ALCAM: variants seen among roughly 807,000 people sequenced by gnomAD.
The protein encoded by ALCAM is activated leukocyte cell adhesion molecule.
In ALCAM, 30 loss-of-function variants were observed where a neutral mutation model predicts 70.9. The observed-to-expected ratio is 0.42, with a 90% confidence interval of 0.32 to 0.57. ALCAM has a LOEUF of 0.57. Ranked by LOEUF, ALCAM falls within the 20% of genes least tolerant of loss-of-function variation. The pLI, the probability that ALCAM is intolerant of heterozygous loss-of-function variation, is 0.11. For missense variants in ALCAM, 591 were observed against 695.1 expected, an observed-to-expected ratio of 0.85 and a Z score of 1.68; for synonymous variants, 249 against 242.5, an observed-to-expected ratio of 1.03 and a Z score of -0.25.
At chr3:105,467,015 A>G (rs1030037576) in intron 1 of ALCAM, among the ~76,000 whole-genome samples, 11 of 151,396 alleles carry the variant, frequency 7.3e-5, no homozygotes, top group African/African-American at 2.4e-4. Flanking sequence ...GCAACTGTGT[A>G]GAATGGAGTT....
intron 1 of ALCAM, among the ~76,000 whole-genome samples, chr3:105,438,016 G>A (rs941319995): frequency 6.6e-6 from 1 of 152,056 alleles, no homozygotes; most frequent in Non-Finnish European, 1.5e-5. Context: ...CTCCTATGAT[G>A]TAAAATAAAC....
At chr3:105,439,744 C>G (rs944293980) in intron 1 of ALCAM, among the ~76,000 whole-genome samples, 2 of 152,168 alleles carry the variant, frequency 1.3e-5, no homozygotes, top group African/African-American at 4.8e-5. Context: ...AATTCAATCT[C>G]AAGGCAGAGG....
intron 1 of ALCAM, among the ~76,000 whole-genome samples, chr3:105,487,151 T>TA (rs1938451960): frequency 1.3e-5 from 2 of 148,786 alleles, no homozygotes; most frequent in Non-Finnish European, 3.0e-5. Context: ...TAACTATTTT[T>TA]TAAAAAAACT....
At chr3:105,493,149 A>T (rs1938636191) in intron 1 of ALCAM, among the ~76,000 whole-genome samples, 1 of 152,190 alleles carries the variant, frequency 6.6e-6, no homozygotes, top group South Asian at 2.1e-4. Flanking sequence ...ACAAAATCAG[A>T]ATTAACTGCT....
At chr3:105,481,466 A>G (rs1228040922) in intron 1 of ALCAM, among the ~76,000 whole-genome samples, 1 of 152,194 alleles carries the variant, frequency 6.6e-6, no homozygotes, top group South Asian at 2.1e-4. Context: ...AGCATAGAAC[A>G]TATGTAGTGC....
intron 1 of ALCAM, among the ~76,000 whole-genome samples, chr3:105,509,619 A>G (rs1939178834): frequency 6.6e-6 from 1 of 152,056 alleles, no homozygotes. Context: ...TATTTTGGAT[A>G]TCAACCCTTT....
At chr3:105,509,002 A>T (rs2152619100) in intron 1 of ALCAM, among the ~76,000 whole-genome samples, 1 of 152,286 alleles carries the variant, frequency 6.6e-6, no homozygotes, top group East Asian at 1.9e-4. Context: ...TTCAATTAGC[A>T]TAATGTTCTC....
chr3:105,437,424 C>T (rs1937073835), intron 1 of ALCAM, among the ~76,000 whole-genome samples: 1 of 152,102 alleles, frequency 6.6e-6, no homozygotes, highest in East Asian at 1.9e-4. Context: ...TTCTGAAATA[C>T]TATATGTTTC....
intron 5 of ALCAM, among the ~76,000 whole-genome samples, chr3:105,534,361 A>AT (rs963091616): frequency 6.6e-6 from 1 of 152,136 alleles, no homozygotes; most frequent in Admixed American, 6.6e-5. Flanking sequence ...TTAATACATG[A>AT]TTTTTTAAAC....
intron 1 of ALCAM, among the ~76,000 whole-genome samples, chr3:105,386,743 A>G (rs1255373640): frequency 6.6e-6 from 1 of 151,496 alleles, no homozygotes; most frequent in Non-Finnish European, 1.5e-5. Context: ...TGGAAAGTAT[A>G]TTCTTTCCCA....
chr3:105,418,725 G>T (rs1370893844), intron 1 of ALCAM, among the ~76,000 whole-genome samples: 1 of 151,712 alleles, frequency 6.6e-6, no homozygotes, highest in Non-Finnish European at 1.5e-5. Context: ...AAAATGAGGG[G>T]TGAAATATGC....
chr3:105,536,048 T>C (rs961502980), intron 6 of ALCAM, among the ~76,000 whole-genome samples: 12 of 152,062 alleles, frequency 7.9e-5, no homozygotes, highest in Non-Finnish European at 4.4e-5. Flanking sequence ...ATGTATAGCT[T>C]ATCTAAAATC....
At chr3:105,508,239 T>C (rs571659750) in intron 1 of ALCAM, among the ~76,000 whole-genome samples, 7 of 152,308 alleles carry the variant, frequency 4.6e-5, no homozygotes, top group African/African-American at 1.4e-4. Context: ...TCCAAAACAA[T>C]ATTCTTGAAT....
intron 1 of ALCAM, among the ~76,000 whole-genome samples, chr3:105,517,530 G>A (rs946201828): frequency 3.9e-5 from 6 of 151,944 alleles, no homozygotes; most frequent in African/African-American, 1.4e-4. Flanking sequence ...TTTACTTTAC[G>A]GTCATCACAA....
intron 1 of ALCAM, among the ~76,000 whole-genome samples, chr3:105,404,345 G>A (rs1413566526): frequency 3.3e-5 from 5 of 152,214 alleles, no homozygotes; most frequent in Admixed American, 6.5e-5. Flanking sequence ...AAAGCATCAG[G>A]TAACCTACAA....
intron 1 of ALCAM, among the ~76,000 whole-genome samples, chr3:105,450,752 C>T (rs370590021): frequency 1.3e-5 from 2 of 151,950 alleles, no homozygotes; most frequent in African/African-American, 4.8e-5. Context: ...ACGAAGAAAA[C>T]ATATAATTCA....
intron 1 of ALCAM, among the ~76,000 whole-genome samples, chr3:105,484,605 G>T (rs958614206): frequency 6.6e-6 from 1 of 152,016 alleles, no homozygotes; most frequent in Admixed American, 6.6e-5. Context: ...AGTCAATGTG[G>T]ATGACTTTTG....
intron 1 of ALCAM, 95 bp from the exon 2 acceptor site, chr3:105,519,972 C>A: frequency 1.4e-6 from 1 of 710,922 alleles, no homozygotes; most frequent in South Asian, 2.0e-5. Flanking sequence ...CCTTCATCGA[C>A]ATGCATCTTG....
intron 1 of ALCAM, among the ~76,000 whole-genome samples, chr3:105,479,168 A>T (rs1938200967): frequency 6.6e-6 from 1 of 152,168 alleles, no homozygotes; most frequent in Non-Finnish European, 1.5e-5. Flanking sequence ...CAAAATTTTC[A>T]TTATGTTTGG....
Sources: allele counts gnomAD v4.1 joint callset (sites outside exome capture counted in the v4.1 genomes callset), GRCh38; gene constraint gnomAD v4.1.1; transcripts MANE v1.5; gene names NCBI Gene and HGNC (gene_info 2026-07-23, HGNC 2026-07-21).